The following SYNPR variants were observed in gnomAD, a reference collection of about 807,000 sequenced individuals.
SYNPR encodes the protein synaptoporin.
Under a neutral mutation model 32.9 loss-of-function variants are expected in SYNPR, and 23 were observed. The observed-to-expected ratio is 0.70, with a 90% CI of 0.50 to 0.99. SYNPR has a LOEUF of 0.99. Ranked by LOEUF, SYNPR falls within the 50% of genes least tolerant of loss-of-function variation. SYNPR has a pLI of 0.00. For synonymous variants in SYNPR, 146 were observed against 135.9 expected (o/e 1.07, Z -0.52); for missense variants, 318 against 349.3 (o/e 0.91, Z 0.71).
intron 2 of SYNPR, among the ~76,000 whole-genome samples, chr3:63,472,775 T>G (rs1480702054): frequency 6.6e-6 from 1 of 152,168 alleles, no homozygotes; most frequent in Non-Finnish European, 1.5e-5. Flanking sequence ...GCAATTTTTT[T>G]AATGCCTCTC....
chr3:63,605,553 A>G (rs1164422921), intron 4 of SYNPR, among the ~76,000 whole-genome samples: 1 of 152,236 alleles, frequency 6.6e-6, no homozygotes, highest in Non-Finnish European at 1.5e-5. Context: ...ATTCTTTGTG[A>G]TGGGCAGGCA....
intron 2 of SYNPR, among the ~76,000 whole-genome samples, chr3:63,388,379 CTTTTTTTTTTTTTTTT>C (rs144044254): frequency 1.2e-5 from 1 of 83,598 alleles, no homozygotes; most frequent in African/African-American, 5.0e-5. Context: ...GTTTGGAGCT[CTTTTTTTTTTTTTTTT>C]TTTTTTTTTT....
At chr3:63,482,975 T>C (rs189876091) in intron 3 of SYNPR, among the ~76,000 whole-genome samples, 1 of 152,294 alleles carries the variant, frequency 6.6e-6, no homozygotes, top group Admixed American at 6.5e-5. Flanking sequence ...TCCACTATTA[T>C]AAAGGGTGGA....
At chr3:63,254,693 G>C (rs993430928) in intron 2 of SYNPR, among the ~76,000 whole-genome samples, 1 of 152,152 alleles carries the variant, frequency 6.6e-6, no homozygotes, top group Non-Finnish European at 1.5e-5. Flanking sequence ...AGCATCCTTG[G>C]TACTATGGGC....
At chr3:63,266,997 G>A (rs1283404961) in intron 2 of SYNPR, among the ~76,000 whole-genome samples, 1 of 152,182 alleles carries the variant, frequency 6.6e-6, no homozygotes, top group African/African-American at 2.4e-5. Flanking sequence ...ATTTTGTGGA[G>A]ATAGGCCTTA....
intron 2 of SYNPR, among the ~76,000 whole-genome samples, chr3:63,470,135 A>T (rs911196916): frequency 6.6e-6 from 1 of 152,232 alleles, no homozygotes; most frequent in African/African-American, 2.4e-5. Context: ...AACTAATAAC[A>T]CTTCAGCATT....
chr3:63,609,096 C>T (rs371930470), intron 4 of SYNPR, 29 bp from the exon 5 acceptor site: 23 of 1,559,168 alleles, frequency 1.5e-5, no homozygotes, highest in Admixed American at 2.1e-5. Context: ...TTTTCTTTTA[C>T]CATTTTCTAT....
intron 2 of SYNPR, among the ~76,000 whole-genome samples, chr3:63,432,792 A>G (rs1327066358): frequency 2.6e-5 from 4 of 152,194 alleles, no homozygotes; most frequent in African/African-American, 9.7e-5. Flanking sequence ...TGTGTTGAAC[A>G]TGGAACTCAC....
intron 2 of SYNPR, among the ~76,000 whole-genome samples, chr3:63,322,997 G>T (rs943960612): frequency 6.6e-6 from 1 of 151,998 alleles, no homozygotes; most frequent in African/African-American, 2.4e-5. Context: ...TCTTCCAGTA[G>T]GCACAGCCAT....
the SYNPR span, among the ~76,000 whole-genome samples, chr3:63,211,426 G>A: frequency 1.7e-4 from 26 of 152,312 alleles, no homozygotes; most frequent in East Asian, 3.1e-3. Context: ...TGGCACAAGA[G>A]CAAGGAGATT....
At chr3:63,217,969 C>G in the SYNPR span, among the ~76,000 whole-genome samples, 1 of 152,098 alleles carries the variant, frequency 6.6e-6, no homozygotes, top group East Asian at 1.9e-4. Context: ...TTTCTTACAA[C>G]ACTTATTGAC....
intron 3 of SYNPR, among the ~76,000 whole-genome samples, chr3:63,491,717 C>T (rs1320176561): frequency 6.6e-6 from 1 of 151,746 alleles, no homozygotes; most frequent in African/African-American, 2.4e-5. Context: ...GACGTGGTTT[C>T]ACCATGTTGG....
intron 2 of SYNPR, among the ~76,000 whole-genome samples, chr3:63,409,598 A>G (rs2088434880): frequency 6.6e-6 from 1 of 152,194 alleles, no homozygotes; most frequent in South Asian, 2.1e-4. Context: ...TCCTTATATC[A>G]TAATGCTCCT....
intron 4 of SYNPR, among the ~76,000 whole-genome samples, chr3:63,596,744 C>G (rs745740694): frequency 5.9e-5 from 9 of 152,106 alleles, no homozygotes; most frequent in Non-Finnish European, 1.3e-4. Flanking sequence ...TTTGGACCAT[C>G]TCAGACCAAA....
the SYNPR span, among the ~76,000 whole-genome samples, chr3:63,210,193 T>C: frequency 3.3e-5 from 5 of 152,180 alleles, no homozygotes; most frequent in Non-Finnish European, 7.3e-5. Flanking sequence ...ATTCTTTACT[T>C]ATATATCTTG....
At chr3:63,459,495 A>G (rs1007215659) in intron 2 of SYNPR, among the ~76,000 whole-genome samples, 9 of 152,132 alleles carry the variant, frequency 5.9e-5, no homozygotes, top group African/African-American at 2.2e-4. Flanking sequence ...CCCAATATTC[A>G]TGGGCACTAG....
intron 3 of SYNPR, among the ~76,000 whole-genome samples, chr3:63,491,416 G>A (rs1701255344): frequency 6.6e-6 from 1 of 152,146 alleles, no homozygotes. Flanking sequence ...AGCAAGGATT[G>A]ACAAAGAAAA....
At chr3:63,203,068 G>GTGTGTGTGTGTATATATATATA in the SYNPR span, 10 of 108,546 alleles carry the variant, frequency 9.2e-5, no homozygotes, top group South Asian at 5.2e-4. Context: ...ATATGTATGT[G>GTGTGTGTGTGTATATATATATA]TATATATATA....
intron 3 of SYNPR, among the ~76,000 whole-genome samples, chr3:63,502,231 A>T (rs1001998549): frequency 6.6e-6 from 1 of 151,844 alleles, no homozygotes; most frequent in Non-Finnish European, 1.5e-5. Context: ...ACTTTTTTAG[A>T]CTTCATTTTT....
Sources: gnomAD v4.1 joint callset for allele counts (sites outside exome capture counted in the v4.1 genomes callset) on GRCh38, gnomAD v4.1.1 for gene constraint, MANE v1.5 for transcripts, NCBI Gene and HGNC (gene_info 2026-07-23, HGNC 2026-07-21) for gene names.